Variants in HSPG2 observed in about 807,000 individuals in gnomAD.
HSPG2 encodes basement membrane-specific heparan sulfate proteoglycan core protein.
A neutral mutation model predicts 526.6 loss-of-function variants in HSPG2; 278 were observed. That is an observed-to-expected ratio of 0.53 (90% confidence interval 0.48 to 0.58). The LOEUF is 0.58. Among genes scored for constraint, HSPG2 ranks in the 20% least tolerant of loss-of-function variants. The pLI is 0.00. For synonymous variants in HSPG2, 2,465 were observed against 2,555.4 expected, an observed-to-expected ratio of 0.96 and a Z score of 1.07; for missense variants, 5,354 against 6,099.5, an observed-to-expected ratio of 0.88 and a Z score of 4.07.
intron 80 of HSPG2, chr1:21,832,965 G>C: frequency 1.8e-6 from 1 of 559,064 alleles, no homozygotes. Context: ...GGAGGCAGAG[G>C]AGGGAGGAAG....
intron 13 of HSPG2, 21 bp from the exon 14 acceptor site, chr1:21,881,523 G>T: frequency 6.2e-7 from 1 of 1,605,372 alleles, no homozygotes; most frequent in Non-Finnish European, 8.5e-7. Flanking sequence ...CAAGGGGGAG[G>T]CTGAGGGCTG....
chr1:21,829,836 G>A, intron 86 of HSPG2, 157 bp downstream of exon 86: 1 of 765,094 alleles, frequency 1.3e-6, no homozygotes, highest in Non-Finnish European at 2.2e-6. Context: ...TCAATAAGGG[G>A]CTCAGGCTGG....
chr1:21,864,089 T>C lies in HSPG2; in HGVS notation c.4740+11A>G. ...AGCTGACCCCCTGTCCTGGCCTCGC[T>C]TGCAGCTCACCGAGCAGGCCCCAGT... On this transcript the variant is annotated intron_variant, in intron 37 of 96. Coordinates refer to ENST00000374695, the MANE Select transcript of HSPG2 (RefSeq NM_005529.7). This position sits in a 1 kb window ranked among gnomAD's most constrained non-coding sequence, Gnocchi z 4.8. 3 of 1,547,658 alleles carry C rather than the reference T, an allele frequency of 1.9e-6. No homozygotes were observed. The highest frequency in any genetic ancestry group is 1.2e-5 in the South Asian group (1 of 83,992).
chr1:21,864,188 G>A lies in HSPG2; in HGVS notation c.4652C>T (p.Thr1551Ile). 1 of 1,553,464 alleles carries A rather than the reference G, an allele frequency of 6.4e-7. No individual in the cohort carries two copies. The highest frequency in any genetic ancestry group is 1.2e-5 in the South Asian group (1 of 84,136). Residue 1551 changes from threonine to isoleucine, a missense_variant, in exon 37 of 97, where the codon ACC (threonine) becomes ATC (isoleucine). Coordinates refer to ENST00000374695, the MANE Select transcript of HSPG2 (RefSeq NM_005529.7). This position sits in a 1 kb window ranked among gnomAD's most constrained non-coding sequence, Gnocchi z 4.8. ...GTGGCCGAGGTAGAGCCCACTCCCG[G>A]TGCGCGTGTAGCCGGGGGCACAGTC... is the stretch of plus-strand genomic sequence containing the variant. The part of the protein sequence containing the change: ...CQDCAPGYTR[T>I]GSGLYLGHCE...
At chr1:21,889,386 C>T (rs573171483) in intron 6 of HSPG2, among the ~76,000 whole-genome samples, 3 of 152,290 alleles carry the variant, frequency 2.0e-5, no homozygotes, top group Admixed American at 6.5e-5. Context: ...TGCACCTAAC[C>T]GCTGTGTGGC....
At chr1:21,825,515 G>A (rs1259733789) in intron 91 of HSPG2, among the ~76,000 whole-genome samples, 1 of 152,158 alleles carries the variant, frequency 6.6e-6, no homozygotes, top group Non-Finnish European at 1.5e-5. Context: ...GGCCCAGGAT[G>A]TCCATACTGT....
intron 53 of HSPG2, 36 bp from the exon 54 acceptor site, chr1:21,851,962 C>T (rs766257197): frequency 6.2e-7 from 1 of 1,605,366 alleles, no homozygotes; most frequent in South Asian, 1.1e-5. Flanking sequence ...AGGGGGGCTT[C>T]CCGGAGGCCA....
In HSPG2 at chr1:21,841,959, T is replaced by G; in HGVS notation, c.9193+43A>C. ...CACAGTGGGGATGACGGCACCCCCA[T>G]GCCTGCCCCCAGCTTGCCCACCTGC... On this transcript the variant is annotated intron_variant, in intron 69 of 96. Coordinates refer to ENST00000374695, the MANE Select transcript of HSPG2 (RefSeq NM_005529.7). The G allele has an allele frequency of 1.9e-6, 3 of 1,609,694 alleles. No individual in the cohort carries two copies. The South Asian group carries it at 3.3e-5, about 18-fold the overall frequency.
rs111653893 is a variant in HSPG2, at chr1:21,877,008, G to A, written c.2686-356C>T. Among the ~76,000 whole-genome samples, 198 of 145,128 alleles carry A rather than the reference G, an allele frequency of 1.4e-3. 1 individual carries two copies. The highest frequency in any genetic ancestry group is 5.0e-3 in the African/African-American group (191 of 38,548). On this transcript the variant is annotated intron_variant, in intron 21 of 96. Transcript: ENST00000374695. ...CGGGAGGTGGAGGTTGCAGTGAGCC[G>A]AGATCGCGCCACTGCAATCCAGCCT... is the stretch of plus-strand genomic sequence containing the variant.
chr1:21,835,576 C>T lies in HSPG2; in HGVS notation c.10417G>A (p.Gly3473Arg). Residue 3473 changes from glycine to arginine, a missense_variant, in exon 76 of 97, where the codon GGG (glycine) becomes AGG (arginine). Physicochemically the swap from Gly to Arg is moderately radical, Grantham distance 125 (BLOSUM62 -2). Coordinates refer to ENST00000374695, the MANE Select transcript of HSPG2 (RefSeq NM_005529.7). ...TYICQAHGPWGKAQASAQLVI... is the reference protein window; with the variant it reads ...TYICQAHGPWRKAQASAQLVI... Reference sequence around the variant, plus strand: ...AGCTGGGCACTGGCCTGGGCCTTCCCCCAAGGTCCATGGGCCTGGCATATA... The same window carrying T: ...AGCTGGGCACTGGCCTGGGCCTTCCTCCAAGGTCCATGGGCCTGGCATATA... 2 of 1,614,134 alleles carry T rather than the reference C, an allele frequency of 1.2e-6. No individual in the cohort carries two copies. Among genetic ancestry groups the T allele is most frequent in the Middle Eastern group, 1.7e-4 (1 of 6,048 alleles).
Position 21,831,316 on chromosome 1 carries a change from G to A in HSPG2, c.11461C>T (p.Arg3821Trp), listed in dbSNP as rs140269233. The change falls in exon 84 of 97, where the codon CGG becomes TGG. Residue 3821 changes from arginine (R) to tryptophan (W), a missense_variant. Transcript: ENST00000374695. Reference sequence around the variant, plus strand: ...TCCTCGCCCTGGATGCGCAGCTCCCGGACACAGCCTGGGAGGTGAGTGGGC... The same window carrying A: ...TCCTCGCCCTGGATGCGCAGCTCCCAGACACAGCCTGGGAGGTGAGTGGGC... ...GLSSGFIGCV[R>W]ELRIQGEEIV... 1.7e-5 allele frequency: 27 copies of A among 1,613,658 alleles called. No homozygotes were observed. Among genetic ancestry groups the A allele is most frequent in the Admixed American group, 3.3e-5 (2 of 59,994 alleles).
rs1638877760 is a variant in HSPG2, at chr1:21,851,324, G to T, written c.7158+222C>A. The T allele has an allele frequency of 4.2e-5, 26 of 626,192 alleles. No individual in the cohort carries two copies. The South Asian group carries it at 4.6e-4, about 11-fold the overall frequency. 38.8% of individuals were successfully genotyped at this position (626,192 alleles called of 1,614,324 possible). Reference sequence around the variant, plus strand: ...AGGCCCTGAAACTATAGCACAGAGAGGTTAAGTAACTTGTCCGAGGTCACA... The same window carrying T: ...AGGCCCTGAAACTATAGCACAGAGATGTTAAGTAACTTGTCCGAGGTCACA... On this transcript the variant is annotated intron_variant, in intron 55 of 96. Transcript: ENST00000374695.
chr1:21,869,347 A>G, intron 33 of HSPG2: 1 of 609,852 alleles, frequency 1.6e-6, no homozygotes, highest in Non-Finnish European at 2.1e-6. Context: ...TTTAAGAGAA[A>G]ATTGGAAAGA....
rs377366418 is a variant in HSPG2 at position 21,846,208 on chromosome 1, C to T, written c.8364G>A (p.Ser2788=). 9 of 1,613,038 alleles carry T rather than the reference C, an allele frequency of 5.6e-6. No individual in the cohort carries two copies. The highest frequency in any genetic ancestry group is 1.1e-5 in the South Asian group (1 of 91,074). The part of the protein sequence containing the change: ...LRLHHVSPAD[S]GEYVCRVMGS... The stretch of plus-strand genomic sequence containing the variant: ...CCATCACCCGGCACACGTATTCACC[C>T]GAGTCGGCCGGGGACACATGGTGCA... Residue 2788 remains serine, a synonymous_variant, in exon 64 of 97, where the codon TCG becomes TCA. Transcript: ENST00000374695.
chr1:21,896,426 A>G, intron 1 of HSPG2, 116 bp from the exon 2 acceptor site: 2 of 1,293,742 alleles, frequency 1.5e-6, no homozygotes, highest in Non-Finnish European at 2.2e-6. Flanking sequence ...CTTAGTGGTT[A>G]AATTTGACTT....
At chr1:21,924,671 T>A (rs888051044) in intron 1 of HSPG2, among the ~76,000 whole-genome samples, 1 of 152,172 alleles carries the variant, frequency 6.6e-6, no homozygotes, top group African/African-American at 2.4e-5. Flanking sequence ...GCCTCCCTGG[T>A]CTGACCAGCA....
At chr1:21,835,000 G>A (rs752102614) in intron 76 of HSPG2, 55 bp from the exon 77 acceptor site, 66 of 1,595,548 alleles carry the variant, frequency 4.1e-5, no homozygotes, top group African/African-American at 1.9e-4. Flanking sequence ...GGCCTGGCCC[G>A]AGGGAGGCCA....
Position 21,865,254 on chromosome 1 carries a change from G to A in HSPG2, c.4395+31C>T. The stretch of plus-strand genomic sequence containing the variant: ...GAGTCAGGGTGGAGGGTGGGGTGGG[G>A]TTAGACACAGCATGGCCAGGTGCCC... On this transcript the variant is annotated intron_variant, in intron 35 of 96. Coordinates refer to ENST00000374695, the MANE Select transcript of HSPG2 (RefSeq NM_005529.7). The surrounding 1 kb of genome is among the most constrained non-coding windows in gnomAD (Gnocchi z 5.4). 6.2e-7 allele frequency: 1 copy of A among 1,606,276 alleles called. No homozygotes were observed. The highest frequency in any genetic ancestry group is 1.1e-5 in the South Asian group (1 of 90,968).
At position 21,885,133 on chromosome 1, in the gene HSPG2, G is replaced by A. The variant is rs757926189; in HGVS notation, c.1235C>T (p.Pro412Leu). 3.7e-6 allele frequency: 6 copies of A among 1,610,938 alleles called. No homozygotes were observed. In the East Asian group the frequency reaches 1.3e-4, roughly 36 times the overall value. ...CCGGGAAGCCTGGATGGACTCCCGG[G>A]GAGGTGTCACCACCTGGGGGGGCAC... is the stretch of plus-strand genomic sequence containing the variant. The part of the protein sequence containing the change: ...GCMPPQVVTP[P>L]RESIQASRGQ... The change falls in exon 11 of 97, where the codon CCC becomes CTC. Residue 412 changes from proline (P) to leucine (L), a missense_variant. Transcript: ENST00000374695.
Sources: gnomAD v4.1 joint callset for allele counts (sites outside exome capture counted in the v4.1 genomes callset) on GRCh38, gnomAD v4.1.1 for gene constraint, Gnocchi (gnomAD v3.1) non-coding constraint, MANE v1.5 for transcripts, NCBI Gene and HGNC (gene_info 2026-07-23, HGNC 2026-07-21) for gene names.